The following PLS1 variants were observed in gnomAD, a reference collection of about 807,000 sequenced individuals.
The protein encoded by PLS1 is plastin-1.
PLS1 carries 32 observed loss-of-function variants against 73.7 expected under a neutral mutation model. The observed-to-expected ratio is 0.43, with a 90% CI of 0.33 to 0.58. The LOEUF is 0.58. Among genes scored for constraint, PLS1 ranks in the 20% least tolerant of loss-of-function variants. The probability of loss-of-function intolerance (pLI) is 0.04; values close to 1 mark genes in which losing one functional copy is unlikely to be tolerated. For missense variants in PLS1, 633 were observed against 740.5 expected (o/e 0.85, Z 1.68); for synonymous variants, 217 against 261.3 (o/e 0.83, Z 1.63).
intron 1 of PLS1, among the ~76,000 whole-genome samples, chr3:142,655,294 G>T (rs781374277): frequency 6.6e-6 from 1 of 152,164 alleles, no homozygotes; most frequent in Non-Finnish European, 1.5e-5. Context: ...AACAGAGACC[G>T]CATTAATTTG....
At chr3:142,657,486 T>C (rs1307857359) in intron 1 of PLS1, among the ~76,000 whole-genome samples, 1 of 152,162 alleles carries the variant, frequency 6.6e-6, no homozygotes, top group Non-Finnish European at 1.5e-5. Context: ...TATTGCTGTT[T>C]TGTTTTGTTT....
At chr3:142,611,722 T>C (rs1009466628) in intron 1 of PLS1, among the ~76,000 whole-genome samples, 3 of 152,336 alleles carry the variant, frequency 2.0e-5, no homozygotes, top group African/African-American at 7.2e-5. Context: ...CACACACATA[T>C]TGCTTTTGAG....
chr3:142,698,438 A>C (rs953054976), intron 12 of PLS1: 1 of 76,260 alleles, frequency 1.3e-5, no homozygotes, highest in African/African-American at 1.3e-4. Flanking sequence ...TGCAGGATGT[A>C]AAAAAAAAAA....
chr3:142,632,929 A>C (rs1384467450), intron 1 of PLS1, among the ~76,000 whole-genome samples: 1 of 152,168 alleles, frequency 6.6e-6, no homozygotes, highest in East Asian at 1.9e-4. Flanking sequence ...ATATTTGCAT[A>C]TCCATGTTCA....
At chr3:142,644,642 TAA>T (rs2036915464) in intron 1 of PLS1, among the ~76,000 whole-genome samples, 1 of 152,224 alleles carries the variant, frequency 6.6e-6, no homozygotes, top group African/African-American at 2.4e-5. Flanking sequence ...GTGAAGCATA[TAA>T]TTTTACCCCT....
chr3:142,626,781 A>C (rs6775813), intron 1 of PLS1, among the ~76,000 whole-genome samples: 92,029 of 152,020 alleles, frequency 0.61, 28,572 homozygotes, highest in African/African-American at 0.74. Context: ...AATTGCTTTG[A>C]AGACATATTT....
intron 1 of PLS1, among the ~76,000 whole-genome samples, chr3:142,643,459 G>A (rs1225200530): frequency 6.6e-6 from 1 of 152,202 alleles, no homozygotes; most frequent in African/African-American, 2.4e-5. Flanking sequence ...CTGTGGTTAT[G>A]GCCTATGATG....
intron 2 of PLS1, among the ~76,000 whole-genome samples, chr3:142,668,512 G>A (rs1334926983): frequency 1.3e-5 from 2 of 152,122 alleles, no homozygotes; most frequent in African/African-American, 4.8e-5. Context: ...ATGGAATGTG[G>A]GGTCAGCAGA....
chr3:142,710,408 A>C (rs1214596590), intron 14 of PLS1, among the ~76,000 whole-genome samples: 1 of 152,216 alleles, frequency 6.6e-6, no homozygotes, highest in African/African-American at 2.4e-5. Context: ...TCTTAAAAGA[A>C]AATTATCCTC....
intron 1 of PLS1, among the ~76,000 whole-genome samples, chr3:142,609,680 C>G (rs2036083882): frequency 6.6e-6 from 1 of 152,170 alleles, no homozygotes; most frequent in Non-Finnish European, 1.5e-5. Flanking sequence ...GTGATAATTA[C>G]TTGATAAAAA....
chr3:142,669,088 C>T (rs2037544195), intron 2 of PLS1, among the ~76,000 whole-genome samples: 1 of 152,044 alleles, frequency 6.6e-6, no homozygotes, highest in African/African-American at 2.4e-5. Flanking sequence ...ACTCTATTGC[C>T]TAAGTTGAGG....
intron 6 of PLS1, among the ~76,000 whole-genome samples, chr3:142,681,292 A>G (rs1338205118): frequency 1.3e-5 from 2 of 151,824 alleles, no homozygotes; most frequent in African/African-American, 4.9e-5. Context: ...AAGGTCATGT[A>G]TATATTCTAT....
intron 12 of PLS1, among the ~76,000 whole-genome samples, chr3:142,698,621 A>G (rs140707588): frequency 3.5e-4 from 53 of 152,300 alleles, no homozygotes; most frequent in African/African-American, 1.2e-3. Context: ...AGACACATGA[A>G]TGAACAATTC....
At chr3:142,690,345 A>G (rs760285946) in intron 10 of PLS1, among the ~76,000 whole-genome samples, 2 of 152,128 alleles carry the variant, frequency 1.3e-5, no homozygotes, top group African/African-American at 4.8e-5. Context: ...GTACTTTTCT[A>G]TACTCTATAA....
In PLS1 at chr3:142,689,818, G is replaced by A. The variant is rs148218811; in HGVS notation, c.1177+5G>A. ...TCGATATGAATTTACTGGAAGGTGC[G>A]TTCTTTCTGCCTTTAATTGACTTGC... On this transcript the variant is annotated splice_donor_5th_base_variant and intron_variant, in intron 10 of 15. Transcript: ENST00000457734. 6.5e-5 allele frequency: 101 copies of A among 1,552,376 alleles called. No individual in the cohort carries two copies. In the African/African-American group the frequency reaches 8.6e-4, roughly 13 times the overall value.
At position 142,648,369 on chromosome 3, in the gene PLS1, AG is replaced by A. The variant is rs552263766; in HGVS notation, c.-36-15831del. ...GATTGTTGAAAGGTTTGGAGTCTAT[AG>A]GTAAAGGTTTAACTAAAATTGTTGC... On this transcript the variant is annotated intron_variant, in intron 1 of 15. Transcript: ENST00000457734. Among the ~76,000 whole-genome samples, 21 of 152,346 alleles carry A rather than the reference AG, an allele frequency of 1.4e-4. No individual in the cohort carries two copies. In the East Asian group the frequency reaches 4.0e-3, roughly 29 times the overall value.
chr3:142,709,783 C>T (rs945564337), intron 14 of PLS1, among the ~76,000 whole-genome samples: 11 of 149,566 alleles, frequency 7.4e-5, no homozygotes, highest in South Asian at 2.1e-4. Flanking sequence ...CAACACTGCA[C>T]GCCAGCCTGG....
intron 1 of PLS1, among the ~76,000 whole-genome samples, chr3:142,635,630 A>T (rs1006030719): frequency 2.6e-5 from 4 of 152,154 alleles, no homozygotes; most frequent in Non-Finnish European, 5.9e-5. Flanking sequence ...GAATAGAGAT[A>T]TAACATGGTG....
intron 2 of PLS1, among the ~76,000 whole-genome samples, chr3:142,668,449 A>T (rs942096770): frequency 4.6e-5 from 7 of 152,196 alleles, no homozygotes; most frequent in Admixed American, 2.0e-4. Flanking sequence ...CCACCAAATG[A>T]AACGTAGAAC....
Sources: gnomAD v4.1 joint callset for allele counts (sites outside exome capture counted in the v4.1 genomes callset) on GRCh38, gnomAD v4.1.1 for gene constraint, MANE v1.5 for transcripts, NCBI Gene and HGNC (gene_info 2026-07-23, HGNC 2026-07-21) for gene names.